Variants in ARHGAP15 observed in about 807,000 individuals in gnomAD.
ARHGAP15 encodes the protein rho GTPase-activating protein 15.
ARHGAP15 carries 51 observed loss-of-function variants against 63.7 expected under a neutral mutation model. That is an observed-to-expected ratio of 0.80 (90% CI 0.64 to 1.01). The LOEUF (loss-of-function observed/expected upper bound fraction) is 1.01. ARHGAP15 is among the 50% of genes least tolerant of loss of function. The pLI, the probability that ARHGAP15 is intolerant of heterozygous loss-of-function variation, is 0.00. For missense variants in ARHGAP15, 560 were observed against 564.6 expected, an observed-to-expected ratio of 0.99 and a Z score of 0.08; for synonymous variants, 191 against 193.8, an observed-to-expected ratio of 0.99 and a Z score of 0.12.
chr2:143,542,520 A>G (rs955247268), intron 10 of ARHGAP15, among the ~76,000 whole-genome samples: 8 of 151,092 alleles, frequency 5.3e-5, no homozygotes, highest in Non-Finnish European at 7.4e-5. Context: ...TCTTGGCTCT[A>G]CCCCAAAAGC....
chr2:143,203,865 G>T lies in ARHGAP15; in HGVS notation c.234+1663G>T, dbSNP rs150270894. 1.7e-3 allele frequency among the ~76,000 whole-genome samples: 255 copies of T among 152,118 alleles called. 1 individual carries two copies. The highest frequency in any genetic ancestry group is 3.4e-3 in the Middle Eastern group (1 of 294). ...GTTCTAAATTTCTATTTCCAGCATG[G>T]ACCACAGCTTTGAACTTCAGTACTA... On this transcript the variant is annotated intron_variant, in intron 3 of 13. Transcript: ENST00000295095.
intron 6 of ARHGAP15, among the ~76,000 whole-genome samples, chr2:143,300,333 A>T (rs1287929918): frequency 6.6e-6 from 1 of 151,976 alleles, no homozygotes; most frequent in Non-Finnish European, 1.5e-5. Context: ...TGCTAATACT[A>T]TATATAATCA....
chr2:143,689,778 C>T (rs1431694973), intron 12 of ARHGAP15, among the ~76,000 whole-genome samples: 2 of 152,160 alleles, frequency 1.3e-5, no homozygotes, highest in Admixed American at 1.3e-4. Flanking sequence ...TGCCAGTCTC[C>T]ACCCTTTCTT....
intron 1 of ARHGAP15, among the ~76,000 whole-genome samples, chr2:143,130,596 A>G (rs1055568034): frequency 6.6e-6 from 1 of 152,088 alleles, no homozygotes; most frequent in Non-Finnish European, 1.5e-5. Flanking sequence ...ATGTTTTTTG[A>G]CATGGTCAAT....
chr2:143,264,347 G>A (rs1054953821), intron 6 of ARHGAP15, among the ~76,000 whole-genome samples: 1 of 152,018 alleles, frequency 6.6e-6, no homozygotes, highest in African/African-American at 2.4e-5. Context: ...TGCTGTGGAA[G>A]GTAAGGCCTT....
intron 9 of ARHGAP15, among the ~76,000 whole-genome samples, chr2:143,487,712 A>G (rs1444829740): frequency 6.6e-6 from 1 of 152,208 alleles, no homozygotes; most frequent in Non-Finnish European, 1.5e-5. Context: ...CAATATACCT[A>G]GTTTTGCCCA....
intron 6 of ARHGAP15, among the ~76,000 whole-genome samples, chr2:143,287,760 G>A (rs1200988278): frequency 2.0e-5 from 3 of 151,934 alleles, no homozygotes; most frequent in Non-Finnish European, 2.9e-5. Flanking sequence ...CTGAGATCGC[G>A]CCATTGCACT....
chr2:143,211,043 G>T (rs1016573162), intron 3 of ARHGAP15, among the ~76,000 whole-genome samples: 1 of 152,068 alleles, frequency 6.6e-6, no homozygotes, highest in Admixed American at 6.6e-5. Context: ...AAAACTATTA[G>T]TACTTTATAT....
chr2:143,518,453 A>G (rs1031940738), intron 9 of ARHGAP15, among the ~76,000 whole-genome samples: 10 of 152,254 alleles, frequency 6.6e-5, no homozygotes, highest in African/African-American at 2.4e-4. Flanking sequence ...TGTTGCTCAA[A>G]TAAGTTTGGG....
chr2:143,231,418 C>G (rs943650633), intron 5 of ARHGAP15, among the ~76,000 whole-genome samples: 1 of 151,970 alleles, frequency 6.6e-6, no homozygotes, highest in African/African-American at 2.4e-5. Context: ...AGAATGTATC[C>G]AGAAGTAGCA....
At chr2:143,445,413 G>A (rs1356481547) in intron 8 of ARHGAP15, among the ~76,000 whole-genome samples, 1 of 151,872 alleles carries the variant, frequency 6.6e-6, no homozygotes, top group African/African-American at 2.4e-5. Context: ...TGCCCACCTT[G>A]GCCTCCCAAA....
intron 2 of ARHGAP15, among the ~76,000 whole-genome samples, chr2:143,179,886 T>A (rs1335364270): frequency 1.0e-5 from 1 of 97,164 alleles, no homozygotes; most frequent in African/African-American, 3.5e-5. Context: ...AGTGAGACAT[T>A]GTCTCAAAAA....
chr2:143,518,089 T>C (rs1383694522), intron 9 of ARHGAP15, among the ~76,000 whole-genome samples: 1 of 152,108 alleles, frequency 6.6e-6, no homozygotes, highest in Non-Finnish European at 1.5e-5. Context: ...AACCCAGAAA[T>C]TGATGGTGGT....
intron 6 of ARHGAP15, among the ~76,000 whole-genome samples, chr2:143,310,346 G>T (rs1683385003): frequency 6.6e-6 from 1 of 151,966 alleles, no homozygotes; most frequent in Non-Finnish European, 1.5e-5. Context: ...GTAAATGATT[G>T]TATTATATCG....
intron 5 of ARHGAP15, among the ~76,000 whole-genome samples, chr2:143,243,451 G>T (rs1045557587): frequency 8.6e-5 from 13 of 152,014 alleles, no homozygotes; most frequent in African/African-American, 3.1e-4. Flanking sequence ...TTAAAAATCA[G>T]TCATTTCTAT....
intron 12 of ARHGAP15, among the ~76,000 whole-genome samples, chr2:143,699,052 A>T (rs1183578918): frequency 6.6e-6 from 1 of 152,186 alleles, no homozygotes; most frequent in Non-Finnish European, 1.5e-5. Context: ...GCTGTTTATG[A>T]ATCTTAGCTC....
intron 8 of ARHGAP15, 68 bp from the exon 9 acceptor site, chr2:143,487,305 G>A (rs1308926097): frequency 2.6e-6 from 4 of 1,532,526 alleles, no homozygotes. Flanking sequence ...TTTCTATTCA[G>A]ATTTGCATAA....
At chr2:143,316,483 C>T (rs556959885) in intron 6 of ARHGAP15, among the ~76,000 whole-genome samples, 3 of 149,864 alleles carry the variant, frequency 2.0e-5, no homozygotes, top group African/African-American at 4.9e-5. Context: ...TTATCTTTGC[C>T]TGGCAGAATC....
intron 6 of ARHGAP15, among the ~76,000 whole-genome samples, chr2:143,337,577 A>G (rs1574297596): frequency 6.6e-6 from 1 of 152,196 alleles, no homozygotes; most frequent in Admixed American, 6.6e-5. Context: ...ACCAATTTTG[A>G]TATGAAATTA....
Sources: gnomAD v4.1 joint callset for allele counts (sites outside exome capture counted in the v4.1 genomes callset) on GRCh38, gnomAD v4.1.1 for gene constraint, MANE v1.5 for transcripts, NCBI Gene and HGNC (gene_info 2026-07-23, HGNC 2026-07-21) for gene names.